The following SEMA3E variants were observed in gnomAD, a reference collection of about 807,000 sequenced individuals.
The protein encoded by SEMA3E is semaphorin 3E, also known as semaphorin-3E.
A neutral mutation model predicts 93.6 loss-of-function variants in SEMA3E; 49 were observed. The ratio of observed to expected loss-of-function variants is 0.52; its 90% CI spans 0.42 to 0.66. SEMA3E has a LOEUF of 0.66. SEMA3E is among the 30% of genes least tolerant of loss of function. SEMA3E has a pLI of 0.00. For synonymous variants in SEMA3E, 363 were observed against 330.7 expected (o/e 1.10, Z -1.06); for missense variants, 906 against 964.8 (o/e 0.94, Z 0.81).
chr7:83,623,669 C>T (rs112482322), intron 1 of SEMA3E, among the ~76,000 whole-genome samples: 17 of 150,840 alleles, frequency 1.1e-4, no homozygotes, highest in African/African-American at 3.9e-4. Flanking sequence ...ATTATATTTG[C>T]TACCATATTT....
intron 14 of SEMA3E, among the ~76,000 whole-genome samples, chr7:83,388,044 C>T (rs1400183608): frequency 6.8e-6 from 1 of 147,994 alleles, no homozygotes; most frequent in East Asian, 2.0e-4. Flanking sequence ...GGCATGGTGG[C>T]TCACGCCTGT....
In SEMA3E at chr7:83,648,631, A is replaced by T; in HGVS notation, c.-89T>A. 2 of 942,562 alleles carry T rather than the reference A, an allele frequency of 2.1e-6. No individual in the cohort carries two copies. Among genetic ancestry groups the T allele is most frequent in the South Asian group, 1.4e-5 (1 of 72,928 alleles). 58.4% of individuals were successfully genotyped at this position (942,562 alleles called of 1,614,324 possible). On this transcript the variant is annotated 5_prime_UTR_variant, in exon 1 of 17. Transcript: ENST00000643230. ...GACTTCCCTCCAGGGGCAGCGTGCG[A>T]GAGGCTTTGTCAGAAATCGAACGCG...
At chr7:83,618,223 G>C (rs2115617124) in intron 1 of SEMA3E, among the ~76,000 whole-genome samples, 1 of 152,080 alleles carries the variant, frequency 6.6e-6, no homozygotes, top group East Asian at 1.9e-4. Context: ...TGTTTTACTT[G>C]TAGTTGAAAA....
At chr7:83,386,093 A>T (rs28624197) in intron 15 of SEMA3E, among the ~76,000 whole-genome samples, 5,323 of 152,140 alleles carry the variant, frequency 0.035, 312 homozygotes, top group African/African-American at 0.12. Context: ...CAAATTCAAT[A>T]ACTGGACCTC....
At chr7:83,569,763 C>A (rs1324424554) in intron 1 of SEMA3E, among the ~76,000 whole-genome samples, 1 of 152,178 alleles carries the variant, frequency 6.6e-6, no homozygotes, top group Non-Finnish European at 1.5e-5. Context: ...GACAGCCACA[C>A]AATAATAGTG....
intron 1 of SEMA3E, among the ~76,000 whole-genome samples, chr7:83,595,547 A>G (rs763983813): frequency 1.2e-4 from 19 of 152,212 alleles, no homozygotes; most frequent in Admixed American, 2.0e-4. Context: ...CTCAGGATCC[A>G]ATTCAGCATC....
chr7:83,591,116 AAAAAAAC>A (rs1792748637), intron 1 of SEMA3E, among the ~76,000 whole-genome samples: 1 of 150,524 alleles, frequency 6.6e-6, no homozygotes, highest in South Asian at 2.1e-4. Context: ...CAAAAAAAAA[AAAAAAAC>A]AAGAGGAATT....
rs374008795 is a variant in SEMA3E, at chr7:83,632,604, C to T, written c.115+15824G>A. ...CGCCATGATAGTGAGGCTTCCCCAA[C>T]CATGTGGAACTGTAAGTACATTATA... On this transcript the variant is annotated intron_variant, in intron 1 of 16. Transcript: ENST00000643230. 4.6e-5 allele frequency among the ~76,000 whole-genome samples: 7 copies of T among 152,178 alleles called. No individual in the cohort carries two copies. In the East Asian group the frequency reaches 1.3e-3, roughly 29 times the overall value.
rs1267930897 is a variant in SEMA3E at position 83,364,955 on chromosome 7, A to G, written c.*2631T>C. The G allele has an allele frequency of 6.6e-6, 1 of 152,194 alleles. No homozygotes were observed. The highest frequency in any genetic ancestry group is 2.4e-5 in the African/African-American group (1 of 41,452). The allele number at this position is 152,194 out of a possible 1,614,324, so 9.4% of individuals were successfully genotyped here. ...TTCAGAGAAGATCCATCCATTTTTAATTTTTAAAGCCTGGGCATTTCTCAC... is the reference window on the plus strand; with the variant it reads ...TTCAGAGAAGATCCATCCATTTTTAGTTTTTAAAGCCTGGGCATTTCTCAC... On this transcript the variant is annotated 3_prime_UTR_variant, in exon 17 of 17. Transcript: ENST00000643230.
intron 1 of SEMA3E, among the ~76,000 whole-genome samples, chr7:83,534,231 AT>A (rs1325517152): frequency 3.3e-5 from 5 of 152,140 alleles, no homozygotes; most frequent in Non-Finnish European, 7.4e-5. Context: ...ATTCTATCTC[AT>A]TTTTAAAAAA....
chr7:83,384,169 G>GT (rs1334303178), intron 16 of SEMA3E, among the ~76,000 whole-genome samples: 9 of 151,988 alleles, frequency 5.9e-5, no homozygotes, highest in Non-Finnish European at 5.9e-5. Flanking sequence ...AGAATGTACT[G>GT]TATGATTTTG....
At chr7:83,584,330 CA>C (rs1274920963) in intron 1 of SEMA3E, among the ~76,000 whole-genome samples, 1 of 152,042 alleles carries the variant, frequency 6.6e-6, no homozygotes, top group East Asian at 1.9e-4. Flanking sequence ...AAAAGTTGTG[CA>C]CTCTGTCTAT....
At chr7:83,616,967 C>T (rs1401629023) in intron 1 of SEMA3E, among the ~76,000 whole-genome samples, 1 of 152,078 alleles carries the variant, frequency 6.6e-6, no homozygotes, top group Non-Finnish European at 1.5e-5. Flanking sequence ...TCAGGTGATC[C>T]ACCCACCTTG....
At chr7:83,507,638 C>T (rs1318135841) in intron 1 of SEMA3E, among the ~76,000 whole-genome samples, 3 of 151,680 alleles carry the variant, frequency 2.0e-5, no homozygotes, top group African/African-American at 7.3e-5. Flanking sequence ...AGAAACATGA[C>T]AATTAAAACT....
At chr7:83,472,466 G>C (rs2722991) in intron 2 of SEMA3E, among the ~76,000 whole-genome samples, 74 of 151,884 alleles carry the variant, frequency 4.9e-4, no homozygotes, top group African/African-American at 1.7e-3. Context: ...TGTTTTTGTG[G>C]CTCAAGAGCT....
intron 16 of SEMA3E, among the ~76,000 whole-genome samples, chr7:83,376,306 C>T (rs1314693420): frequency 6.6e-6 from 1 of 151,968 alleles, no homozygotes; most frequent in African/African-American, 2.4e-5. Flanking sequence ...AAATATGAGT[C>T]ATGTAACAAA....
chr7:83,595,606 G>A (rs1792855309), intron 1 of SEMA3E, among the ~76,000 whole-genome samples: 1 of 151,960 alleles, frequency 6.6e-6, no homozygotes, highest in South Asian at 2.1e-4. Context: ...CTATTCTGCA[G>A]TATATATTCA....
intron 1 of SEMA3E, among the ~76,000 whole-genome samples, chr7:83,593,323 TGTGTGTGTG>T (rs1237442932): frequency 1.0e-4 from 9 of 89,576 alleles, no homozygotes; most frequent in African/African-American, 3.0e-4. Context: ...TGTGTGTGTG[TGTGTGTGTG>T]TGTTGGGGAG....
At chr7:83,431,467 A>G (rs1384799586) in intron 4 of SEMA3E, among the ~76,000 whole-genome samples, 1 of 152,162 alleles carries the variant, frequency 6.6e-6, no homozygotes, top group African/African-American at 2.4e-5. Flanking sequence ...GAAAGGTGGC[A>G]CAATCTCAGC....
Sources: gnomAD v4.1 joint callset for allele counts (sites outside exome capture counted in the v4.1 genomes callset) on GRCh38, gnomAD v4.1.1 for gene constraint, MANE v1.5 for transcripts, NCBI Gene and HGNC (gene_info 2026-07-23, HGNC 2026-07-21) for gene names.